PCDH9: variants seen among roughly 807,000 people sequenced by gnomAD.
PCDH9 encodes the protein protocadherin 9, also known as protocadherin-9.
A neutral mutation model predicts 70.6 loss-of-function variants in PCDH9; 24 were observed. That is an observed-to-expected ratio of 0.34 (90% CI 0.25 to 0.48). The LOEUF is 0.48. Among genes scored for constraint, PCDH9 ranks in the 20% least tolerant of loss-of-function variants. The probability of loss-of-function intolerance (pLI) is 0.99; values close to 1 mark genes in which losing one functional copy is unlikely to be tolerated. For missense variants in PCDH9, 1,281 were observed against 1,503.6 expected, an observed-to-expected ratio of 0.85 and a Z score of 2.45; for synonymous variants, 562 against 558.5, an observed-to-expected ratio of 1.01 and a Z score of -0.09.
intron 2 of PCDH9, among the ~76,000 whole-genome samples, chr13:66,955,042 C>T (rs73505336): frequency 0.038 from 5,856 of 152,256 alleles, 372 homozygotes; most frequent in African/African-American, 0.13. Context: ...GGATTACAGG[C>T]GTGAGCCACT....
intron 4 of PCDH9, among the ~76,000 whole-genome samples, chr13:66,453,642 G>A (rs908732027): frequency 7.2e-5 from 11 of 152,098 alleles, no homozygotes; most frequent in African/African-American, 2.7e-4. Context: ...CACCCATGGG[G>A]ACGTCTGTAC....
intron 2 of PCDH9, among the ~76,000 whole-genome samples, chr13:67,096,304 G>A (rs1167470826): frequency 6.6e-6 from 1 of 152,034 alleles, no homozygotes; most frequent in African/African-American, 2.4e-5. Context: ...CCAAAGCCAC[G>A]AACCGTAAAA....
At chr13:67,126,437 G>C (rs184046305) in intron 2 of PCDH9, among the ~76,000 whole-genome samples, 1 of 152,094 alleles carries the variant, frequency 6.6e-6, no homozygotes, top group Non-Finnish European at 1.5e-5. Context: ...CTTCACGAAG[G>C]TCTGTTTAAC....
chr13:66,802,982 A>G (rs148481540), intron 3 of PCDH9, among the ~76,000 whole-genome samples: 1 of 152,296 alleles, frequency 6.6e-6, no homozygotes, highest in African/African-American at 2.4e-5. Flanking sequence ...AATAAAGCAC[A>G]GAAGACATTA....
At chr13:66,336,541 T>C (rs1359985131) in intron 4 of PCDH9, among the ~76,000 whole-genome samples, 1 of 152,094 alleles carries the variant, frequency 6.6e-6, no homozygotes, top group Non-Finnish European at 1.5e-5. Flanking sequence ...AAATAGCCTA[T>C]GGATGCTTTT....
intron 2 of PCDH9, among the ~76,000 whole-genome samples, chr13:67,051,634 G>A (rs753271424): frequency 1.3e-4 from 20 of 151,662 alleles, no homozygotes; most frequent in Non-Finnish European, 2.2e-4. Flanking sequence ...CTCATGATCC[G>A]CCTACCCCAG....
intron 3 of PCDH9, among the ~76,000 whole-genome samples, chr13:66,750,951 A>G (rs529191575): frequency 6.6e-6 from 1 of 152,304 alleles, no homozygotes; most frequent in East Asian, 1.9e-4. Flanking sequence ...ACAGCACATT[A>G]ATGAAGTTGG....
At chr13:66,426,021 C>T (rs1957662186) in intron 4 of PCDH9, among the ~76,000 whole-genome samples, 1 of 151,628 alleles carries the variant, frequency 6.6e-6, no homozygotes. Context: ...CTATGTTCAT[C>T]ATGACGTCAT....
chr13:66,575,072 C>T (rs965273660), intron 4 of PCDH9, among the ~76,000 whole-genome samples: 2 of 151,920 alleles, frequency 1.3e-5, no homozygotes, highest in Middle Eastern at 3.4e-3. Context: ...ACTCGGGAGG[C>T]AGAGGCAGGA....
intron 4 of PCDH9, among the ~76,000 whole-genome samples, chr13:66,623,533 G>A (rs987903733): frequency 1.3e-5 from 2 of 152,044 alleles, no homozygotes; most frequent in Non-Finnish European, 2.9e-5. Context: ...CAAACTCCAA[G>A]GCTCAGGCAA....
intron 4 of PCDH9, among the ~76,000 whole-genome samples, chr13:66,622,085 C>A (rs1002326197): frequency 1.3e-5 from 2 of 152,244 alleles, no homozygotes; most frequent in African/African-American, 4.8e-5. Context: ...AGGGGCTTAG[C>A]ACCCGGGCCA....
chr13:66,888,663 T>C (rs1594211265), intron 3 of PCDH9, among the ~76,000 whole-genome samples: 1 of 152,024 alleles, frequency 6.6e-6, no homozygotes, highest in South Asian at 2.1e-4. Flanking sequence ...ATTTTTAATA[T>C]CAGCTGAGGC....
intron 4 of PCDH9, among the ~76,000 whole-genome samples, chr13:66,393,147 A>C (rs957720106): frequency 1.3e-5 from 2 of 152,190 alleles, no homozygotes; most frequent in Non-Finnish European, 2.9e-5. Context: ...TTAAAATGAC[A>C]CGATTCTTAT....
intron 3 of PCDH9, among the ~76,000 whole-genome samples, chr13:66,894,397 A>C (rs1225636385): frequency 6.6e-6 from 1 of 152,176 alleles, no homozygotes; most frequent in Non-Finnish European, 1.5e-5. Context: ...AATTATATAA[A>C]ATTGAAGTAT....
chr13:67,181,012 G>A (rs1402529478), intron 2 of PCDH9, among the ~76,000 whole-genome samples: 1 of 152,138 alleles, frequency 6.6e-6, no homozygotes, highest in African/African-American at 2.4e-5. Flanking sequence ...ATATAACTGT[G>A]ATTTTAATTA....
chr13:66,373,341 G>A (rs1956692708), intron 4 of PCDH9, among the ~76,000 whole-genome samples: 1 of 151,982 alleles, frequency 6.6e-6, no homozygotes, highest in East Asian at 1.9e-4. Flanking sequence ...CGGGTTGGGG[G>A]GTGAATAAAT....
At chr13:66,748,632 G>C (rs1021993649) in intron 3 of PCDH9, among the ~76,000 whole-genome samples, 9 of 152,130 alleles carry the variant, frequency 5.9e-5, no homozygotes, top group African/African-American at 2.2e-4. Context: ...ATTGAAACTT[G>C]CTCTTGAGAG....
chr13:66,442,245 A>G (rs958284939), intron 4 of PCDH9, among the ~76,000 whole-genome samples: 3 of 152,182 alleles, frequency 2.0e-5, no homozygotes, highest in East Asian at 1.9e-4. Context: ...AAGTTTAGAG[A>G]TCACTATAGA....
chr13:66,541,353 G>A (rs1490107679), intron 4 of PCDH9, among the ~76,000 whole-genome samples: 1 of 152,000 alleles, frequency 6.6e-6, no homozygotes, highest in Non-Finnish European at 1.5e-5. Context: ...TATTAGTGTT[G>A]TCATACAAAA....
Sources: gnomAD v4.1 joint callset for allele counts (sites outside exome capture counted in the v4.1 genomes callset) on GRCh38, gnomAD v4.1.1 for gene constraint, MANE v1.5 for transcripts, NCBI Gene and HGNC (gene_info 2026-07-23, HGNC 2026-07-21) for gene names.